Variants in SLIT3 observed in about 807,000 individuals in gnomAD.
The protein encoded by SLIT3 is slit homolog 3 protein.
In SLIT3, 68 loss-of-function variants were observed where a neutral mutation model predicts 184.0. The ratio of observed to expected loss-of-function variants is 0.37; its 90% CI spans 0.30 to 0.45. SLIT3 has a LOEUF of 0.45. Among genes scored for constraint, SLIT3 ranks in the 20% least tolerant of loss-of-function variants. The probability of loss-of-function intolerance (pLI) is 1.00; values close to 1 mark genes in which losing one functional copy is unlikely to be tolerated. For synonymous variants in SLIT3, 831 were observed against 828.6 expected (o/e 1.00, Z -0.05); for missense variants, 1,707 against 2,026.0 (o/e 0.84, Z 3.02).
chr5:168,806,907 T>C (rs767616124), intron 8 of SLIT3, among the ~76,000 whole-genome samples: 13 of 152,184 alleles, frequency 8.5e-5, no homozygotes, highest in African/African-American at 1.7e-4. Flanking sequence ...AAAGAGCATA[T>C]GATGGGACCA....
At chr5:168,776,855 A>G (rs1201530973) in intron 12 of SLIT3, among the ~76,000 whole-genome samples, 4 of 152,212 alleles carry the variant, frequency 2.6e-5, no homozygotes, top group African/African-American at 9.6e-5. Context: ...AAGTACACAC[A>G]TGGTGAGTGT....
intron 3 of SLIT3, among the ~76,000 whole-genome samples, chr5:169,223,814 G>A (rs1156335784): frequency 1.3e-5 from 2 of 152,126 alleles, no homozygotes; most frequent in African/African-American, 4.8e-5. Flanking sequence ...CTGACTCAGA[G>A]ATCTGTTTCT....
At chr5:169,059,140 C>T (rs1758099872) in intron 4 of SLIT3, among the ~76,000 whole-genome samples, 1 of 152,184 alleles carries the variant, frequency 6.6e-6, no homozygotes, top group Non-Finnish European at 1.5e-5. Flanking sequence ...CATCCTTTGA[C>T]TTCTTGGTAG....
At chr5:168,991,943 C>T (rs1755346143) in intron 4 of SLIT3, among the ~76,000 whole-genome samples, 1 of 152,236 alleles carries the variant, frequency 6.6e-6, no homozygotes, top group East Asian at 1.9e-4. Context: ...GAGAGGCCCC[C>T]TGACTGGCAG....
intron 32 of SLIT3, 118 bp downstream of exon 32, chr5:168,683,848 G>T: frequency 2.1e-6 from 2 of 937,438 alleles, no homozygotes; most frequent in South Asian, 2.9e-5. Context: ...CATGTGCGTG[G>T]TAGGGGCGGG....
intron 4 of SLIT3, among the ~76,000 whole-genome samples, chr5:169,148,535 A>G (rs1259192821): frequency 6.6e-6 from 1 of 152,220 alleles, no homozygotes; most frequent in African/African-American, 2.4e-5. Flanking sequence ...TAAGTCTGAG[A>G]TTAAACCTTC....
intron 12 of SLIT3, among the ~76,000 whole-genome samples, chr5:168,775,648 C>T (rs1755719656): frequency 6.6e-6 from 1 of 152,192 alleles, no homozygotes; most frequent in Non-Finnish European, 1.5e-5. Flanking sequence ...TTTTATTCCT[C>T]CCTTTCTTCT....
intron 3 of SLIT3, among the ~76,000 whole-genome samples, chr5:169,239,705 C>T (rs1765328322): frequency 1.3e-5 from 2 of 151,902 alleles, no homozygotes; most frequent in South Asian, 2.1e-4. Flanking sequence ...ATTTTAGTTG[C>T]TTCAAGAATT....
At position 168,662,626 on chromosome 5, in the gene SLIT3, A is replaced by G. The variant is rs1223395741; in HGVS notation, c.*3828T>C. ...AGCAACAACAACAGTAATAATAACAACAGCATCTTACATTTAAGGTTTTTA... is the reference window on the plus strand; with the variant it reads ...AGCAACAACAACAGTAATAATAACAGCAGCATCTTACATTTAAGGTTTTTA... On this transcript the variant is annotated 3_prime_UTR_variant, in exon 36 of 36. Transcript: ENST00000519560. The G allele has an allele frequency of 6.6e-6, 1 of 152,250 alleles. No individual in the cohort carries two copies. Among genetic ancestry groups the G allele is most frequent in the Non-Finnish European group, 1.5e-5 (1 of 68,056 alleles). 9.4% of individuals were successfully genotyped at this position (152,250 alleles called of 1,614,324 possible).
chr5:168,787,962 A>G (rs1168974429), intron 11 of SLIT3, among the ~76,000 whole-genome samples: 1 of 150,586 alleles, frequency 6.6e-6, no homozygotes, highest in Non-Finnish European at 1.5e-5. Context: ...CATCTACTGC[A>G]TGAATGAATG....
intron 4 of SLIT3, among the ~76,000 whole-genome samples, chr5:169,084,996 C>G (rs907770702): frequency 6.6e-6 from 1 of 152,226 alleles, no homozygotes; most frequent in African/African-American, 2.4e-5. Flanking sequence ...CTATCAACAA[C>G]AACAACCTAC....
intron 8 of SLIT3, among the ~76,000 whole-genome samples, chr5:168,812,704 G>A (rs767727179): frequency 4.6e-5 from 7 of 152,192 alleles, no homozygotes; most frequent in Non-Finnish European, 8.8e-5. Context: ...CAATTATGAT[G>A]AGAATATAAA....
At chr5:169,003,739 C>T (rs1755806491) in intron 4 of SLIT3, among the ~76,000 whole-genome samples, 1 of 152,062 alleles carries the variant, frequency 6.6e-6, no homozygotes, top group South Asian at 2.1e-4. Flanking sequence ...CTCTTTTTTT[C>T]CTTAAGGCTT....
chr5:168,977,949 G>A (rs181096365), intron 4 of SLIT3, among the ~76,000 whole-genome samples: 8 of 152,292 alleles, frequency 5.3e-5, no homozygotes, highest in Non-Finnish European at 1.0e-4. Context: ...ATGGGCAGGA[G>A]GTGAAGTGAA....
intron 11 of SLIT3, among the ~76,000 whole-genome samples, chr5:168,787,070 C>T (rs776560233): frequency 4.6e-5 from 7 of 152,160 alleles, no homozygotes; most frequent in East Asian, 1.9e-4. Context: ...CTTTTCCAGA[C>T]GCCACTGGGA....
chr5:168,892,651 C>G (rs1370112476), intron 4 of SLIT3, among the ~76,000 whole-genome samples: 1 of 152,206 alleles, frequency 6.6e-6, no homozygotes, highest in African/African-American at 2.4e-5. Flanking sequence ...AGGATTTAAT[C>G]TGAGTTTTTC....
In SLIT3 at chr5:168,685,662, AAGGGC is replaced by A. The variant is rs1242751809; in HGVS notation, c.3555+20_3555+24del. ...CTTGTGGGCATGTTGAGGTCCTTCCAAGGGCAGGGCAGGGCGGGACACACCTGCAG... is the reference window on the plus strand; with the variant it reads ...CTTGTGGGCATGTTGAGGTCCTTCCAAGGGCAGGGCGGGACACACCTGCAG... On this transcript the variant is annotated intron_variant, in intron 31 of 35. Transcript: ENST00000519560. The A allele has an allele frequency of 2.6e-6, 4 of 1,515,976 alleles. No individual in the cohort carries two copies. Among genetic ancestry groups the A allele is most frequent in the Non-Finnish European group, 3.5e-6 (4 of 1,130,568 alleles). The allele number at this position is 1,515,976 out of a possible 1,614,324, so 93.9% of individuals were successfully genotyped here. A position where few individuals can be genotyped will look rare whatever the true frequency, so the allele number is the denominator to read the frequency against.
chr5:169,087,552 C>T (rs1759358835), intron 4 of SLIT3, among the ~76,000 whole-genome samples: 1 of 152,210 alleles, frequency 6.6e-6, no homozygotes, highest in Non-Finnish European at 1.5e-5. Flanking sequence ...ATGTGCCTAA[C>T]ATGAGGGGAA....
chr5:168,728,419 A>G (rs895443240), intron 20 of SLIT3, among the ~76,000 whole-genome samples: 2 of 152,122 alleles, frequency 1.3e-5, no homozygotes, highest in Non-Finnish European at 2.9e-5. Context: ...GCAGGGAAAT[A>G]TGATGCTACC....
Sources: gnomAD v4.1 joint callset for allele counts (sites outside exome capture counted in the v4.1 genomes callset) on GRCh38, gnomAD v4.1.1 for gene constraint, MANE v1.5 for transcripts, NCBI Gene and HGNC (gene_info 2026-07-23, HGNC 2026-07-21) for gene names.